TEX36: variants seen among roughly 807,000 people sequenced by gnomAD.
TEX36 encodes testis expressed 36.
In TEX36, 12 loss-of-function variants were observed where a neutral mutation model predicts 13.6. The observed-to-expected ratio is 0.88, with a 90% CI of 0.56 to 1.43. TEX36 has a LOEUF of 1.43. Ranked by LOEUF, TEX36 falls within the 40% of genes most tolerant of loss-of-function variation. TEX36 has a pLI of 0.00. For missense variants in TEX36, 224 were observed against 228.3 expected (o/e 0.98, Z 0.12); for synonymous variants, 93 against 83.0 (o/e 1.12, Z -0.65).
At chr10:125,640,355 C>G in intron 3 of TEX36, 2 of 287,708 alleles carry the variant, frequency 7.0e-6, no homozygotes, top group Non-Finnish European at 1.0e-5. Flanking sequence ...TTTGGTTACT[C>G]TCTGCGGAAA....
intron 1 of TEX36, among the ~76,000 whole-genome samples, chr10:125,663,968 T>A (rs1270451351): frequency 6.6e-6 from 1 of 152,188 alleles, no homozygotes; most frequent in Non-Finnish European, 1.5e-5. Context: ...TATATTTTTG[T>A]ACCATTTTCC....
chr10:125,651,014 C>T (rs1384950436), downstream of TEX36, among the ~76,000 whole-genome samples: 1 of 152,082 alleles, frequency 6.6e-6, no homozygotes, highest in Non-Finnish European at 1.5e-5. Flanking sequence ...AATAGCTTAC[C>T]AACCAAAAAA....
downstream of TEX36, among the ~76,000 whole-genome samples, chr10:125,651,765 A>G (rs1460476532): frequency 6.6e-6 from 1 of 152,178 alleles, no homozygotes; most frequent in East Asian, 1.9e-4. Context: ...CTCAGCCCAA[A>G]ATCTCCTTAA....
chr10:125,640,911 A>G (rs1846681040), intron 3 of TEX36, among the ~76,000 whole-genome samples: 1 of 152,140 alleles, frequency 6.6e-6, no homozygotes. Context: ...TCAACAGAAC[A>G]TATGGGAAGC....
At position 125,640,160 on chromosome 10, in the gene TEX36, T is replaced by C. The variant is rs1000281214; in HGVS notation, c.265-18515A>G. ...CCTGCAGATGTTACAGCCAGATCAG[T>C]GCCCAAGTGGAGTAGAAATCATTGT... is the stretch of plus-strand genomic sequence containing the variant. On this transcript the variant is annotated intron_variant, in intron 3 of 3. Transcript: ENST00000526819. The C allele has an allele frequency of 5.1e-6, 5 of 985,034 alleles. No individual in the cohort carries two copies. The African/African-American group carries it at 7.0e-5, about 14-fold the overall frequency. The allele number at this position is 985,034 out of a possible 1,614,324, so 61.0% of individuals were successfully genotyped here.
intron 3 of TEX36, among the ~76,000 whole-genome samples, chr10:125,626,330 G>T (rs561661962): frequency 6.6e-6 from 1 of 152,308 alleles, no homozygotes; most frequent in African/African-American, 2.4e-5. Context: ...CACAGAGGGT[G>T]CTGAGTGCCC....
At chr10:125,634,618 C>T (rs1846600651) in intron 3 of TEX36, among the ~76,000 whole-genome samples, 1 of 152,164 alleles carries the variant, frequency 6.6e-6, no homozygotes, top group Non-Finnish European at 1.5e-5. Flanking sequence ...ATCTTTTCTG[C>T]AGACACATCT....
chr10:125,622,310 T>C (rs554655667), intron 3 of TEX36, among the ~76,000 whole-genome samples: 10 of 152,302 alleles, frequency 6.6e-5, no homozygotes, highest in African/African-American at 1.7e-4. Context: ...TGTTACATGA[T>C]AAAGGAAAAA....
chr10:125,682,182 T>A (rs1589794499), intron 1 of TEX36, among the ~76,000 whole-genome samples: 1 of 152,140 alleles, frequency 6.6e-6, no homozygotes, highest in South Asian at 2.1e-4. Flanking sequence ...CCATGAAATA[T>A]ACATGTTGAA....
At chr10:125,576,953 G>C (rs1845832084) in intron 3 of TEX36, 1 of 1,517,740 alleles carries the variant, frequency 6.6e-7, no homozygotes, top group Admixed American at 2.0e-5. Flanking sequence ...AGAGAGGAAA[G>C]GGGGCCTTAT....
At chr10:125,602,588 T>C (rs577280396) in intron 3 of TEX36, among the ~76,000 whole-genome samples, 4 of 152,334 alleles carry the variant, frequency 2.6e-5, no homozygotes, top group African/African-American at 9.6e-5. Context: ...GCTTGATTCA[T>C]TCATTCATTC....
At chr10:125,674,795 G>A (rs1347309073) in intron 1 of TEX36, among the ~76,000 whole-genome samples, 1 of 152,218 alleles carries the variant, frequency 6.6e-6, no homozygotes, top group African/African-American at 2.4e-5. Context: ...GTGGCAGCCT[G>A]CTCCTTCATT....
intron 2 of TEX36, among the ~76,000 whole-genome samples, chr10:125,661,539 T>C (rs1372024011): frequency 6.6e-6 from 1 of 152,126 alleles, no homozygotes; most frequent in Non-Finnish European, 1.5e-5. Context: ...TTTGTGCCAC[T>C]GCAGGGCCTG....
In TEX36 at chr10:125,661,975, G is replaced by A. The variant is rs1589780963; in HGVS notation, c.54C>T (p.Phe18=). The A allele has an allele frequency of 6.4e-7, 1 of 1,552,368 alleles. No individual in the cohort carries two copies. The highest frequency in any genetic ancestry group is 1.2e-5 in the South Asian group (1 of 84,054). Residue 18 remains phenylalanine, a splice_region_variant and synonymous_variant, in exon 2 of 4, where the codon TTC becomes TTT. Transcript: ENST00000368821. ...TCTTTTGCGTTAGCCCGATGTGAGG[G>A]AACTGGAAGAACAGCACACGCCTTG... ...NPPSDKDGRW[F]PHIGLTQKTP...
At chr10:125,604,903 C>T (rs561922092) in intron 3 of TEX36, among the ~76,000 whole-genome samples, 2 of 136,980 alleles carry the variant, frequency 1.5e-5, no homozygotes, top group East Asian at 2.1e-4. Flanking sequence ...AGGAAAATAA[C>T]CTCAGGGCTC....
chr10:125,587,741 T>A (rs1346608798), intron 3 of TEX36, among the ~76,000 whole-genome samples: 1 of 141,248 alleles, frequency 7.1e-6, no homozygotes, highest in Admixed American at 7.5e-5. Context: ...AGCCAAGATC[T>A]CACCAGCCTG....
chr10:125,640,009 A>T, intron 3 of TEX36: 1 of 254,582 alleles, frequency 3.9e-6, no homozygotes, highest in Non-Finnish European at 6.2e-6. Context: ...CAAAGGAATT[A>T]CAACCATGTG....
chr10:125,609,369 G>A (rs1215486511), intron 3 of TEX36, among the ~76,000 whole-genome samples: 1 of 152,110 alleles, frequency 6.6e-6, no homozygotes, highest in African/African-American at 2.4e-5. Flanking sequence ...CTGCTAGCTA[G>A]TCACCCAGCA....
At chr10:125,626,373 A>G (rs1176961065) in intron 3 of TEX36, among the ~76,000 whole-genome samples, 1 of 152,156 alleles carries the variant, frequency 6.6e-6, no homozygotes. Flanking sequence ...AGGACTGGCC[A>G]ATGTTGACAG....
Sources: allele counts gnomAD v4.1 joint callset (sites outside exome capture counted in the v4.1 genomes callset), GRCh38; gene constraint gnomAD v4.1.1; transcripts MANE v1.5; gene names NCBI Gene and HGNC (gene_info 2026-07-23, HGNC 2026-07-21).